CNTN4: variants seen among roughly 807,000 people sequenced by gnomAD.
The protein encoded by CNTN4 is contactin 4, also known as contactin-4.
CNTN4 carries 77 observed loss-of-function variants against 122.5 expected under a neutral mutation model. The ratio of observed to expected loss-of-function variants is 0.63; its 90% CI spans 0.52 to 0.76. CNTN4 has a LOEUF of 0.76. Ranked by LOEUF, CNTN4 falls within the 30% of genes least tolerant of loss-of-function variation. The pLI is 0.00. For missense variants in CNTN4, 1,256 were observed against 1,259.1 expected (o/e 1.00, Z 0.04); for synonymous variants, 512 against 447.0 (o/e 1.15, Z -1.83).
chr3:2,922,342 G>C (rs190085651), intron 12 of CNTN4, among the ~76,000 whole-genome samples: 1 of 152,076 alleles, frequency 6.6e-6, no homozygotes, highest in Non-Finnish European at 1.5e-5. Context: ...CCTCCCCTAG[G>C]TCAGTGTTTG....
intron 2 of CNTN4, among the ~76,000 whole-genome samples, chr3:2,106,098 C>G (rs2032418605): frequency 6.6e-6 from 1 of 152,234 alleles, no homozygotes; most frequent in Non-Finnish European, 1.5e-5. Flanking sequence ...AGGAGGTGGG[C>G]TCCCACTGTC....
intron 10 of CNTN4, among the ~76,000 whole-genome samples, chr3:2,890,699 C>T (rs1390770128): frequency 2.6e-5 from 4 of 152,190 alleles, no homozygotes; most frequent in Non-Finnish European, 5.9e-5. Context: ...AGCCCTATTG[C>T]CCTTTGGTTT....
At chr3:3,047,394 A>C (rs1199165286) in intron 23 of CNTN4, among the ~76,000 whole-genome samples, 1 of 152,248 alleles carries the variant, frequency 6.6e-6, no homozygotes, top group Non-Finnish European at 1.5e-5. Flanking sequence ...ACTCCTCAGC[A>C]AATGTAAAAG....
intron 4 of CNTN4, among the ~76,000 whole-genome samples, chr3:2,676,055 C>G (rs1032778297): frequency 6.6e-6 from 1 of 152,012 alleles, no homozygotes; most frequent in Non-Finnish European, 1.5e-5. Context: ...AATCTTTCAC[C>G]TTTTAAAATA....
At chr3:2,338,914 A>C (rs2044070353) in intron 2 of CNTN4, among the ~76,000 whole-genome samples, 1 of 152,140 alleles carries the variant, frequency 6.6e-6, no homozygotes, top group African/African-American at 2.4e-5. Context: ...CCATCATACT[A>C]ACAAGGGAAA....
intron 3 of CNTN4, among the ~76,000 whole-genome samples, chr3:2,570,756 C>G (rs1032860021): frequency 6.6e-6 from 1 of 152,136 alleles, no homozygotes; most frequent in South Asian, 2.1e-4. Context: ...CTGCAGAATT[C>G]TCCTAATTCA....
At chr3:2,299,496 C>G (rs183764546) in intron 2 of CNTN4, among the ~76,000 whole-genome samples, 25 of 152,156 alleles carry the variant, frequency 1.6e-4, no homozygotes, top group Non-Finnish European at 3.1e-4. Context: ...TCTTCAAAGT[C>G]CATTATATCA....
intron 7 of CNTN4, 105 bp from the exon 8 acceptor site, chr3:2,866,647 T>C (rs764831080): frequency 5.2e-5 from 66 of 1,269,092 alleles, no homozygotes; most frequent in Middle Eastern, 5.2e-4. Context: ...AAAAGAGTCA[T>C]TGGACAACAA....
At chr3:2,779,507 A>G (rs1414369973) in intron 6 of CNTN4, among the ~76,000 whole-genome samples, 1 of 152,126 alleles carries the variant, frequency 6.6e-6, no homozygotes, top group Non-Finnish European at 1.5e-5. Flanking sequence ...TTACTTAGAA[A>G]TCAATTTTAT....
chr3:2,584,275 T>TG (rs1191186185), intron 4 of CNTN4, among the ~76,000 whole-genome samples: 1 of 152,094 alleles, frequency 6.6e-6, no homozygotes, highest in African/African-American at 2.4e-5. Flanking sequence ...AGGAAAATTG[T>TG]GGGAGTAGGA....
intron 3 of CNTN4, among the ~76,000 whole-genome samples, chr3:2,508,997 A>G (rs146936689): frequency 2.6e-5 from 4 of 152,346 alleles, no homozygotes; most frequent in African/African-American, 9.6e-5. Context: ...TACCATTAAA[A>G]ACAAGTGCAA....
intron 4 of CNTN4, among the ~76,000 whole-genome samples, chr3:2,630,125 A>G (rs2082366428): frequency 6.6e-6 from 1 of 152,178 alleles, no homozygotes; most frequent in African/African-American, 2.4e-5. Flanking sequence ...GTTGTAAAGG[A>G]GCAAAAAAAG....
At chr3:2,530,501 G>T (rs2077558689) in intron 3 of CNTN4, among the ~76,000 whole-genome samples, 1 of 151,780 alleles carries the variant, frequency 6.6e-6, no homozygotes, top group Admixed American at 6.6e-5. Flanking sequence ...TAGAGACAGG[G>T]GTTTCACCAT....
At chr3:2,721,257 C>T (rs888129556) in intron 4 of CNTN4, among the ~76,000 whole-genome samples, 4 of 152,176 alleles carry the variant, frequency 2.6e-5, no homozygotes, top group African/African-American at 9.7e-5. Flanking sequence ...CAGACGTGAG[C>T]CACCACGCCC....
At chr3:2,763,076 G>A (rs1411040772) in intron 6 of CNTN4, among the ~76,000 whole-genome samples, 1 of 151,806 alleles carries the variant, frequency 6.6e-6, no homozygotes, top group African/African-American at 2.4e-5. Flanking sequence ...CAAGTAGCTA[G>A]GACTACAGGC....
intron 3 of CNTN4, among the ~76,000 whole-genome samples, chr3:2,481,954 T>C (rs930705848): frequency 6.6e-6 from 1 of 152,192 alleles, no homozygotes; most frequent in Non-Finnish European, 1.5e-5. Flanking sequence ...CTTTATAAAA[T>C]ACTCAGTCTC....
At chr3:2,678,671 G>T (rs563176432) in intron 4 of CNTN4, among the ~76,000 whole-genome samples, 1 of 152,254 alleles carries the variant, frequency 6.6e-6, no homozygotes, top group East Asian at 1.9e-4. Context: ...GGCCATCTTT[G>T]CATGGTTGGT....
rs1299988599 is a variant in CNTN4 at position 2,859,392 on chromosome 3, A to G, written c.455-7360A>G. ...GAGAGTGCAGATACGTCTCTTCAAC[A>G]TTTCATTGCCTTTGGATTTTCAGTT... On this transcript the variant is annotated intron_variant, in intron 7 of 24. Coordinates refer to ENST00000418658, the MANE Select transcript of CNTN4 (RefSeq NM_175607.3). 2.6e-5 allele frequency among the ~76,000 whole-genome samples: 4 copies of G among 152,130 alleles called. No homozygotes were observed. The East Asian group carries it at 5.8e-4, about 22-fold the overall frequency.
In CNTN4 at chr3:2,591,621, C is replaced by T. The variant is rs2080494882; in HGVS notation, c.55+20063C>T. Reference sequence around the variant, plus strand: ...CCTCGTGATCCGCCCGCCTCGGCCTCCCAAAGTGCTGGGATTACAGGCGTG... The same window carrying T: ...CCTCGTGATCCGCCCGCCTCGGCCTTCCAAAGTGCTGGGATTACAGGCGTG... On this transcript the variant is annotated intron_variant, in intron 4 of 24. Coordinates refer to ENST00000418658, the MANE Select transcript of CNTN4 (RefSeq NM_175607.3). 3.7e-4 allele frequency among the ~76,000 whole-genome samples: 19 copies of T among 51,712 alleles called. 7 individuals are homozygous for T. The South Asian group carries it at 0.013, about 36-fold the overall frequency. 33.9% of individuals were successfully genotyped at this position (51,712 alleles called of 152,430 possible).
Sources: allele counts gnomAD v4.1 joint callset (sites outside exome capture counted in the v4.1 genomes callset), GRCh38; gene constraint gnomAD v4.1.1; transcripts MANE v1.5; gene names NCBI Gene and HGNC (gene_info 2026-07-23, HGNC 2026-07-21).